SHISA6: variants seen among roughly 807,000 people sequenced by gnomAD.
SHISA6 encodes the protein protein shisa-6.
A neutral mutation model predicts 47.9 loss-of-function variants in SHISA6; 22 were observed. The observed-to-expected ratio is 0.46, with a 90% CI of 0.33 to 0.66. The LOEUF is 0.66. Among genes scored for constraint, SHISA6 ranks in the 30% least tolerant of loss-of-function variants. The pLI is 0.02. For missense variants in SHISA6, 680 were observed against 764.6 expected (o/e 0.89, Z 1.30); for synonymous variants, 388 against 337.8 (o/e 1.15, Z -1.63).
intron 3 of SHISA6, among the ~76,000 whole-genome samples, chr17:11,511,567 C>A (rs902752571): frequency 2.0e-5 from 3 of 149,898 alleles, no homozygotes; most frequent in Admixed American, 6.6e-5. Context: ...TGTGGTATAG[C>A]CCCCACCCCC....
intron 2 of SHISA6, among the ~76,000 whole-genome samples, chr17:11,321,085 T>C (rs1910704175): frequency 6.6e-6 from 1 of 152,226 alleles, no homozygotes; most frequent in African/African-American, 2.4e-5. Flanking sequence ...GGATGAAGTA[T>C]TTATGAAGCA....
chr17:11,545,253 TC>T (rs1413117866), intron 3 of SHISA6, among the ~76,000 whole-genome samples: 11 of 151,734 alleles, frequency 7.2e-5, no homozygotes, highest in Non-Finnish European at 8.8e-5. Context: ...CGGAACAATC[TC>T]CAGAGAATTA....
chr17:11,458,981 G>A (rs541654089), intron 3 of SHISA6, among the ~76,000 whole-genome samples: 4 of 152,078 alleles, frequency 2.6e-5, no homozygotes, highest in South Asian at 2.1e-4. Flanking sequence ...CGAGGCAGGC[G>A]GATCATGAGG....
chr17:11,497,090 G>A (rs1355230936), intron 3 of SHISA6, among the ~76,000 whole-genome samples: 1 of 152,098 alleles, frequency 6.6e-6, no homozygotes, highest in Non-Finnish European at 1.5e-5. Context: ...CATGTCCTGG[G>A]CCCCTGTAGA....
intron 2 of SHISA6, among the ~76,000 whole-genome samples, chr17:11,320,361 A>AAG (rs138415315): frequency 1.3e-5 from 2 of 151,622 alleles, no homozygotes; most frequent in African/African-American, 4.8e-5. Context: ...GGGCTGGTAT[A>AAG]AGAGAGAGAG....
At chr17:11,435,164 A>G (rs1914902859) in intron 3 of SHISA6, among the ~76,000 whole-genome samples, 1 of 151,828 alleles carries the variant, frequency 6.6e-6, no homozygotes, top group Admixed American at 6.6e-5. Context: ...TTTTTTAACC[A>G]TAAGAATTTG....
chr17:11,506,055 T>C (rs1333006131), intron 3 of SHISA6, among the ~76,000 whole-genome samples: 1 of 152,196 alleles, frequency 6.6e-6, no homozygotes, highest in Non-Finnish European at 1.5e-5. Context: ...CTAATGCAGA[T>C]TTCCACTGAA....
chr17:11,454,228 T>C (rs1236102850), intron 3 of SHISA6, among the ~76,000 whole-genome samples: 2 of 152,158 alleles, frequency 1.3e-5, no homozygotes, highest in Non-Finnish European at 2.9e-5. Flanking sequence ...ACCTCCAAAC[T>C]ATAGCTTCCA....
chr17:11,269,046 TTTG>T (rs1908541138), intron 2 of SHISA6, among the ~76,000 whole-genome samples: 5 of 148,476 alleles, frequency 3.4e-5, no homozygotes, highest in African/African-American at 1.3e-4. Flanking sequence ...GTTTGTCTGT[TTTG>T]TTTTTTTTTT....
intron 2 of SHISA6, among the ~76,000 whole-genome samples, chr17:11,267,193 T>G (rs1908457288): frequency 6.6e-6 from 1 of 152,174 alleles, no homozygotes; most frequent in Non-Finnish European, 1.5e-5. Flanking sequence ...TTGGTTTGAA[T>G]GTAGAAAACC....
intron 2 of SHISA6, among the ~76,000 whole-genome samples, chr17:11,356,596 G>C (rs1912087616): frequency 6.6e-6 from 1 of 152,132 alleles, no homozygotes; most frequent in African/African-American, 2.4e-5. Context: ...CACTCCATCT[G>C]CTTGGCCTCT....
chr17:11,288,438 C>G (rs1370529101), intron 2 of SHISA6: 1 of 146,450 alleles, frequency 6.8e-6, no homozygotes, highest in Non-Finnish European at 1.5e-5. Flanking sequence ...TTCTCTCTTT[C>G]TCTCTTTTTC....
intron 3 of SHISA6, among the ~76,000 whole-genome samples, chr17:11,464,785 T>TA (rs1915769903): frequency 3.3e-5 from 5 of 151,976 alleles, no homozygotes; most frequent in Admixed American, 3.3e-4. Context: ...TCTACTAAAA[T>TA]ACAAAAATTA....
intron 2 of SHISA6, among the ~76,000 whole-genome samples, chr17:11,377,649 G>A (rs868264896): frequency 3.9e-5 from 6 of 152,242 alleles, no homozygotes; most frequent in South Asian, 2.1e-4. Flanking sequence ...TCCACTCTTC[G>A]GAGGAAGAAT....
chr17:11,423,008 ACAG>A (rs1056123410), intron 3 of SHISA6, among the ~76,000 whole-genome samples: 2 of 150,808 alleles, frequency 1.3e-5, no homozygotes, highest in African/African-American at 4.9e-5. Context: ...GAAAAAAAAA[ACAG>A]AGGGAATTAA....
chr17:11,296,995 C>G (rs972734896), intron 2 of SHISA6, among the ~76,000 whole-genome samples: 8 of 152,126 alleles, frequency 5.3e-5, no homozygotes, highest in Non-Finnish European at 8.8e-5. Context: ...AAGAGCAGTC[C>G]CACTGGGGCT....
chr17:11,372,811 C>A (rs1912671703), intron 2 of SHISA6, among the ~76,000 whole-genome samples: 1 of 152,062 alleles, frequency 6.6e-6, no homozygotes, highest in Non-Finnish European at 1.5e-5. Flanking sequence ...GCCTAAGCAC[C>A]ATTCAAGCTC....
chr17:11,341,899 T>C (rs1911543524), intron 2 of SHISA6, among the ~76,000 whole-genome samples: 1 of 152,194 alleles, frequency 6.6e-6, no homozygotes, highest in Non-Finnish European at 1.5e-5. Context: ...CACAGTTTCC[T>C]TCCAACATGG....
chr17:11,294,127 A>T (rs189780894), intron 2 of SHISA6, among the ~76,000 whole-genome samples: 156 of 151,520 alleles, frequency 1.0e-3, no homozygotes, highest in African/African-American at 3.7e-3. Context: ...CTCGTGATCC[A>T]CTCACCTCGG....
Sources: gnomAD v4.1 joint callset for allele counts (sites outside exome capture counted in the v4.1 genomes callset) on GRCh38, gnomAD v4.1.1 for gene constraint, MANE v1.5 for transcripts, NCBI Gene and HGNC (gene_info 2026-07-23, HGNC 2026-07-21) for gene names.